Variants in ROBO1 observed in about 807,000 individuals in gnomAD.
The protein encoded by ROBO1 is roundabout homolog 1.
ROBO1 carries 149 observed loss-of-function variants against 195.9 expected under a neutral mutation model. That is an observed-to-expected ratio of 0.76 (90% CI 0.67 to 0.87). The LOEUF (loss-of-function observed/expected upper bound fraction) is 0.87, where lower values mean the gene tolerates loss of function less well. ROBO1 is among the 40% of genes least tolerant of loss of function. The probability of loss-of-function intolerance (pLI) is 0.00; values close to 1 mark genes in which losing one functional copy is unlikely to be tolerated. For synonymous variants in ROBO1, 816 were observed against 733.2 expected (o/e 1.11, Z -1.82); for missense variants, 1,933 against 2,068.3 (o/e 0.93, Z 1.27).
chr3:79,113,767 C>CA lies in ROBO1; in HGVS notation c.172+11688dup, dbSNP rs1393629276. Among the ~76,000 whole-genome samples the CA allele has an allele frequency of 3.3e-5, 5 of 151,488 alleles. No individual in the cohort carries two copies. In the South Asian group the frequency reaches 8.3e-4, roughly 25 times the overall value. ...GGGCAACAAAAGTGAAACTCTGCCT[C>CA]AAAAAAAAGTCAATTTTAAAGACTT... On this transcript the variant is annotated intron_variant, in intron 3 of 30. Transcript: ENST00000464233.
intron 2 of ROBO1, among the ~76,000 whole-genome samples, chr3:79,175,159 C>T (rs1232088475): frequency 1.3e-5 from 2 of 152,108 alleles, no homozygotes; most frequent in African/African-American, 2.4e-5. Flanking sequence ...TCTCCTATCC[C>T]TAGTAGAAAC....
At chr3:78,909,971 A>C (rs2038149524) in intron 4 of ROBO1, among the ~76,000 whole-genome samples, 1 of 151,874 alleles carries the variant, frequency 6.6e-6, no homozygotes, top group African/African-American at 2.4e-5. Flanking sequence ...GAATGAAATT[A>C]TTCAACCCTG....
chr3:78,901,215 C>T (rs917305162), intron 4 of ROBO1, among the ~76,000 whole-genome samples: 1 of 152,084 alleles, frequency 6.6e-6, no homozygotes, highest in Non-Finnish European at 1.5e-5. Context: ...TCATGTCTTC[C>T]AGCCCACAAT....
chr3:79,406,256 A>G (rs866038745), intron 2 of ROBO1, among the ~76,000 whole-genome samples: 9 of 151,776 alleles, frequency 5.9e-5, no homozygotes, highest in Middle Eastern at 3.4e-3. Context: ...CTCAAAAAAA[A>G]AAAAAATCTC....
chr3:79,096,611 A>ATG lies in ROBO1; in HGVS notation c.172+28843_172+28844dup, dbSNP rs371928167. Among the ~76,000 whole-genome samples the ATG allele has an allele frequency of 4.0e-5, 6 of 150,544 alleles. No individual in the cohort carries two copies. In the East Asian group the frequency reaches 5.9e-4, roughly 15 times the overall value. ...CTCCATAGGAAGACTAGGCAATAAT[A>ATG]TGTGTGTGTGTGTATGTGCATGTAT... On this transcript the variant is annotated intron_variant, in intron 3 of 30. Transcript: ENST00000464233.
At chr3:78,611,220 C>A (rs1278106681) in intron 28 of ROBO1, among the ~76,000 whole-genome samples, 1 of 152,152 alleles carries the variant, frequency 6.6e-6, no homozygotes, top group African/African-American at 2.4e-5. Context: ...GTCCTCAGAC[C>A]TTGTAATTAA....
At chr3:79,256,100 T>C (rs1055884829) in intron 2 of ROBO1, among the ~76,000 whole-genome samples, 5 of 152,220 alleles carry the variant, frequency 3.3e-5, no homozygotes, top group Non-Finnish European at 5.9e-5. Flanking sequence ...TTTGTTTGTT[T>C]GACTGGCTTT....
At chr3:78,742,006 A>G (rs923552239) in intron 5 of ROBO1, among the ~76,000 whole-genome samples, 1 of 152,258 alleles carries the variant, frequency 6.6e-6, no homozygotes, top group East Asian at 1.9e-4. Flanking sequence ...CTCAGAATCC[A>G]GGTCAATGTA....
intron 2 of ROBO1, among the ~76,000 whole-genome samples, chr3:79,412,535 A>T (rs1190695928): frequency 1.3e-5 from 2 of 152,144 alleles, no homozygotes; most frequent in African/African-American, 4.8e-5. Context: ...AAAGAAAAAA[A>T]TCCCACTTGT....
intron 14 of ROBO1, among the ~76,000 whole-genome samples, chr3:78,664,001 G>A (rs1198555984): frequency 6.6e-6 from 1 of 152,088 alleles, no homozygotes; most frequent in Non-Finnish European, 1.5e-5. Context: ...AAACCTACCA[G>A]TCAGTTCCTT....
rs145317545 is a variant in ROBO1 at position 79,222,157 on chromosome 3, T to C, written c.89-96618A>G. Among the ~76,000 whole-genome samples the C allele has an allele frequency of 2.4e-3, 358 of 152,164 alleles. 1 individual carries two copies. Among genetic ancestry groups the C allele is most frequent in the African/African-American group, 8.3e-3 (345 of 41,546 alleles). Reference sequence around the variant, plus strand: ...CCATCTTCTCTTCTTATCTCTTTCCTCTCATCATAAACATTATCTTATTTT... The same window carrying C: ...CCATCTTCTCTTCTTATCTCTTTCCCCTCATCATAAACATTATCTTATTTT... On this transcript the variant is annotated intron_variant, in intron 2 of 30. Transcript: ENST00000464233.
At chr3:79,705,289 C>T (rs2107186282) in intron 1 of ROBO1, among the ~76,000 whole-genome samples, 1 of 151,970 alleles carries the variant, frequency 6.6e-6, no homozygotes, top group South Asian at 2.1e-4. Context: ...TAGATTTTCT[C>T]TTATAATCTT....
At chr3:79,717,957 A>G (rs1253824958) in intron 1 of ROBO1, among the ~76,000 whole-genome samples, 1 of 152,036 alleles carries the variant, frequency 6.6e-6, no homozygotes, top group African/African-American at 2.4e-5. Flanking sequence ...CAATTCTTAC[A>G]GGAGCATGAT....
chr3:79,358,936 G>A (rs2035663678), intron 2 of ROBO1, among the ~76,000 whole-genome samples: 1 of 151,864 alleles, frequency 6.6e-6, no homozygotes, highest in African/African-American at 2.4e-5. Context: ...CTGCAAATTT[G>A]GACAACATAT....
At chr3:79,676,429 C>T (rs755276074) in intron 1 of ROBO1, among the ~76,000 whole-genome samples, 8 of 152,030 alleles carry the variant, frequency 5.3e-5, no homozygotes, top group Non-Finnish European at 7.4e-5. Context: ...AGGCTGTGAT[C>T]ATGGAGTTTG....
chr3:79,050,206 C>T (rs897539475), intron 3 of ROBO1, among the ~76,000 whole-genome samples: 1 of 152,042 alleles, frequency 6.6e-6, no homozygotes, highest in African/African-American at 2.4e-5. Context: ...GAAGATCTAC[C>T]TAGCAAATGG....
At chr3:79,602,271 A>G (rs1187159881) in intron 1 of ROBO1, among the ~76,000 whole-genome samples, 2 of 152,040 alleles carry the variant, frequency 1.3e-5, no homozygotes, top group African/African-American at 4.8e-5. Flanking sequence ...GAAGGTCAAA[A>G]GTAATTTTCA....
At chr3:78,634,357 T>G (rs951286505) in intron 23 of ROBO1, 3 of 179,092 alleles carry the variant, frequency 1.7e-5, no homozygotes, top group African/African-American at 7.1e-5. Flanking sequence ...CAAGGTTATA[T>G]CTAATAAAAA....
intron 5 of ROBO1, among the ~76,000 whole-genome samples, chr3:78,719,647 A>C (rs1390009540): frequency 6.6e-6 from 1 of 152,322 alleles, no homozygotes; most frequent in South Asian, 2.1e-4. Context: ...TAAATGTTCA[A>C]GAAATTTTAC....
Sources: allele counts gnomAD v4.1 joint callset (sites outside exome capture counted in the v4.1 genomes callset), GRCh38; gene constraint gnomAD v4.1.1; transcripts MANE v1.5; gene names NCBI Gene and HGNC (gene_info 2026-07-23, HGNC 2026-07-21).